Variants in TAF12 observed in about 807,000 individuals in gnomAD.
The protein encoded by TAF12 is transcription initiation factor TFIID subunit 12.
In TAF12, 3 loss-of-function variants were observed where a neutral mutation model predicts 20.8. That is an observed-to-expected ratio of 0.14 (90% CI 0.07 to 0.37). TAF12 has a LOEUF of 0.37. Among genes scored for constraint, TAF12 ranks in the 10% least tolerant of loss-of-function variants. The probability of loss-of-function intolerance (pLI) is 1.00; values close to 1 mark genes in which losing one functional copy is unlikely to be tolerated. For synonymous variants in TAF12, 69 were observed against 70.2 expected (o/e 0.98, Z 0.09); for missense variants, 131 against 197.9 (o/e 0.66, Z 2.03).
chr1:28,605,782 T>C (rs890565816), intron 4 of TAF12, among the ~76,000 whole-genome samples: 7 of 152,106 alleles, frequency 4.6e-5, no homozygotes, highest in African/African-American at 1.7e-4. Context: ...CATGCCACCA[T>C]GGCCAGCTAA....
intron 1 of TAF12, among the ~76,000 whole-genome samples, chr1:28,638,893 G>A (rs1408810720): frequency 2.7e-5 from 4 of 146,638 alleles, no homozygotes; most frequent in African/African-American, 1.0e-4. Flanking sequence ...CCGGGTTCAC[G>A]CCATTCTCCT....
At chr1:28,642,233 G>GC (rs1361652817) in intron 1 of TAF12, among the ~76,000 whole-genome samples, 1 of 152,152 alleles carries the variant, frequency 6.6e-6, no homozygotes, top group Non-Finnish European at 1.5e-5. Context: ...CTTGCCAAGA[G>GC]CCAAGTAGGC....
upstream of TAF12, among the ~76,000 whole-genome samples, chr1:28,646,953 C>T (rs971922724): frequency 2.6e-5 from 4 of 152,096 alleles, no homozygotes; most frequent in African/African-American, 9.7e-5. Context: ...CCACCTCGGC[C>T]TCTCAAAGTG....
upstream of TAF12, chr1:28,643,255 G>T: frequency 3.5e-6 from 1 of 283,668 alleles, no homozygotes; most frequent in Non-Finnish European, 5.3e-6. Context: ...GTGGTTGAGT[G>T]GCAGCATGAG....
chr1:28,606,398 C>T (rs4252993), intron 4 of TAF12, among the ~76,000 whole-genome samples: 3,865 of 152,052 alleles, frequency 0.025, 176 homozygotes, highest in African/African-American at 0.089. Flanking sequence ...CTCAGCCTCC[C>T]GAAGTGCTGG....
intron 4 of TAF12, among the ~76,000 whole-genome samples, chr1:28,609,589 C>T (rs1378864087): frequency 6.6e-6 from 1 of 151,630 alleles, no homozygotes; most frequent in African/African-American, 2.4e-5. Context: ...TGGATTCAAG[C>T]GATTTTCGTG....
At chr1:28,630,407 A>G (rs924267174) in intron 1 of TAF12, among the ~76,000 whole-genome samples, 2 of 152,194 alleles carry the variant, frequency 1.3e-5, no homozygotes, top group Middle Eastern at 3.4e-3. Flanking sequence ...TATAAAAATT[A>G]GCTGGGCGTG....
chr1:28,627,459 T>C (rs1408005088), intron 1 of TAF12, among the ~76,000 whole-genome samples: 1 of 149,838 alleles, frequency 6.7e-6, no homozygotes. Flanking sequence ...TTTGGGAGGC[T>C]GAGGCGGGCG....
At chr1:28,638,338 C>T (rs1570341285) in intron 1 of TAF12, among the ~76,000 whole-genome samples, 1 of 151,862 alleles carries the variant, frequency 6.6e-6, no homozygotes, top group South Asian at 2.1e-4. Context: ...TACAGGCATG[C>T]ATCACCACGC....
At chr1:28,628,720 A>G (rs549312187) in intron 1 of TAF12, among the ~76,000 whole-genome samples, 1 of 152,202 alleles carries the variant, frequency 6.6e-6, no homozygotes, top group African/African-American at 2.4e-5. Flanking sequence ...TCCAAGAGAA[A>G]TTGTTCAATG....
chr1:28,633,204 T>C (rs945127523), intron 1 of TAF12, among the ~76,000 whole-genome samples: 5 of 145,820 alleles, frequency 3.4e-5, no homozygotes, highest in African/African-American at 1.3e-4. Flanking sequence ...TCTCACTCTG[T>C]TGCCCAGGCC....
At chr1:28,611,076 G>A (rs1293803686) in intron 4 of TAF12, among the ~76,000 whole-genome samples, 1 of 151,772 alleles carries the variant, frequency 6.6e-6, no homozygotes, top group Non-Finnish European at 1.5e-5. Context: ...GCTGAAGACT[G>A]TGTTAGAAAA....
intron 1 of TAF12, among the ~76,000 whole-genome samples, chr1:28,628,300 G>A (rs1667501885): frequency 6.7e-6 from 1 of 149,388 alleles, no homozygotes; most frequent in Non-Finnish European, 1.5e-5. Context: ...AGGAGGTGGA[G>A]GTTGCAGTGA....
chr1:28,622,354 T>A, intron 1 of TAF12, among the ~76,000 whole-genome samples, 189 bp from the exon 2 acceptor site: 1 of 120,328 alleles, frequency 8.3e-6, no homozygotes, highest in East Asian at 2.7e-4. Context: ...ACCTAGTCTC[T>A]ACCAAGAAAA....
intron 3 of TAF12, among the ~76,000 whole-genome samples, chr1:28,616,093 T>C (rs899880360): frequency 1.3e-5 from 2 of 152,140 alleles, no homozygotes; most frequent in African/African-American, 4.8e-5. Context: ...CAGTGAGTGA[T>C]TCTTTAAGAA....
At chr1:28,630,323 G>A (rs760899071) in intron 1 of TAF12, among the ~76,000 whole-genome samples, 4 of 152,144 alleles carry the variant, frequency 2.6e-5, no homozygotes, top group African/African-American at 4.8e-5. Context: ...TTTGGAGGCC[G>A]AGGCGGGCAG....
At chr1:28,613,706 CACTT>C (rs1666939618) in intron 3 of TAF12, among the ~76,000 whole-genome samples, 1 of 152,344 alleles carries the variant, frequency 6.6e-6, no homozygotes, top group South Asian at 2.1e-4. Context: ...TCCATTATCT[CACTT>C]AGTCCTTACA....
At chr1:28,618,855 A>C (rs1012805527) in intron 2 of TAF12, among the ~76,000 whole-genome samples, 7 of 152,128 alleles carry the variant, frequency 4.6e-5, no homozygotes, top group African/African-American at 1.7e-4. Flanking sequence ...TTCATAAAGG[A>C]AATGTCATGT....
At position 28,610,957 on chromosome 1, in the gene TAF12, C is replaced by CAA. The variant is rs1170666206; in HGVS notation, c.361+2288_361+2289dup. On this transcript the variant is annotated intron_variant, in intron 4 of 5. Coordinates refer to ENST00000373824, the MANE Select transcript of TAF12 (RefSeq NM_005644.4). ...CCTGGGCAACAGAGTGAGACTGTCT[C>CAA]AAAAAAAAAAAAAAAAAAAAAAAAA... Among the ~76,000 whole-genome samples the CAA allele has an allele frequency of 8.7e-3, 232 of 26,762 alleles. 7 individuals are homozygous for CAA. The highest frequency in any genetic ancestry group is 0.013 in the Non-Finnish European group (184 of 14,474). The allele number at this position is 26,762 out of a possible 152,430, so 17.6% of individuals were successfully genotyped here.
Sources: allele counts gnomAD v4.1 joint callset (sites outside exome capture counted in the v4.1 genomes callset), GRCh38; gene constraint gnomAD v4.1.1; transcripts MANE v1.5; gene names NCBI Gene and HGNC (gene_info 2026-07-23, HGNC 2026-07-21).